PHACTR1: variants seen among roughly 807,000 people sequenced by gnomAD.
PHACTR1 encodes phosphatase and actin regulator 1, also known as RPEL repeat containing 1.
PHACTR1 carries 16 observed loss-of-function variants against 69.2 expected under a neutral mutation model. The ratio of observed to expected loss-of-function variants is 0.23; its 90% CI spans 0.16 to 0.35. The LOEUF (loss-of-function observed/expected upper bound fraction) is 0.35, where lower values mean the gene tolerates loss of function less well. Among genes scored for constraint, PHACTR1 ranks in the 10% least tolerant of loss-of-function variants. The pLI, the probability that PHACTR1 is intolerant of heterozygous loss-of-function variation, is 1.00. For missense variants in PHACTR1, 510 were observed against 734.7 expected (o/e 0.69, Z 3.54); for synonymous variants, 312 against 284.5 (o/e 1.10, Z -0.97).
intron 10 of PHACTR1, among the ~76,000 whole-genome samples, chr6:13,270,710 T>C (rs1018561885): frequency 3.3e-5 from 5 of 152,246 alleles, no homozygotes; most frequent in Admixed American, 6.5e-5. Context: ...CAGGGTGCTA[T>C]AGGCTTTATA....
intron 4 of PHACTR1, among the ~76,000 whole-genome samples, chr6:13,048,314 T>A (rs748335899): frequency 1.6e-4 from 25 of 152,200 alleles, no homozygotes; most frequent in Non-Finnish European, 3.2e-4. Flanking sequence ...TGGCTCAGCA[T>A]TTTCTCCAGA....
At chr6:13,209,369 C>T (rs942789660) in intron 8 of PHACTR1, among the ~76,000 whole-genome samples, 3 of 152,188 alleles carry the variant, frequency 2.0e-5, no homozygotes, top group Admixed American at 1.3e-4. Flanking sequence ...ATCCTCCTGG[C>T]AATTTCCAGT....
chr6:12,723,868 G>A (rs1462034423), intron 3 of PHACTR1, among the ~76,000 whole-genome samples: 1 of 152,112 alleles, frequency 6.6e-6, no homozygotes, highest in Non-Finnish European at 1.5e-5. Context: ...CTTTTAAACT[G>A]CCCCCACGAG....
chr6:13,085,922 T>C (rs73368185), intron 5 of PHACTR1, among the ~76,000 whole-genome samples: 10,809 of 151,636 alleles, frequency 0.071, 1,301 homozygotes, highest in African/African-American at 0.24. Context: ...AATGTATACC[T>C]TAGAAAAGAA....
chr6:13,163,039 G>A (rs189803395), intron 6 of PHACTR1, among the ~76,000 whole-genome samples: 66 of 152,280 alleles, frequency 4.3e-4, no homozygotes, highest in Admixed American at 9.1e-4. Context: ...GAGGTCAGGA[G>A]TTCGAGACCA....
intron 4 of PHACTR1, among the ~76,000 whole-genome samples, chr6:12,954,988 A>G (rs1791708372): frequency 6.6e-6 from 1 of 152,194 alleles, no homozygotes; most frequent in Non-Finnish European, 1.5e-5. Flanking sequence ...TGATGAGGGT[A>G]TAAAACACTT....
At chr6:12,814,134 G>A (rs552516719) in intron 4 of PHACTR1, among the ~76,000 whole-genome samples, 1 of 152,212 alleles carries the variant, frequency 6.6e-6, no homozygotes, top group African/African-American at 2.4e-5. Context: ...GTCCCCTAAG[G>A]AAGCAGCAAT....
At chr6:12,897,820 C>G (rs1031080295) in intron 4 of PHACTR1, among the ~76,000 whole-genome samples, 2 of 151,928 alleles carry the variant, frequency 1.3e-5, no homozygotes, top group Admixed American at 6.6e-5. Flanking sequence ...ACTCATCAAC[C>G]TATCACCTAC....
chr6:12,968,637 C>CT (rs1225536194), intron 4 of PHACTR1, among the ~76,000 whole-genome samples: 1 of 152,106 alleles, frequency 6.6e-6, no homozygotes, highest in Non-Finnish European at 1.5e-5. Flanking sequence ...GTGATGTGAG[C>CT]TTTTTTTGTC....
At chr6:13,165,291 G>T (rs1759624056) in intron 6 of PHACTR1, among the ~76,000 whole-genome samples, 1 of 152,166 alleles carries the variant, frequency 6.6e-6, no homozygotes, top group Non-Finnish European at 1.5e-5. Flanking sequence ...ATAATCTATA[G>T]TTCGACAGTT....
chr6:13,265,848 C>T (rs529842296), intron 10 of PHACTR1, among the ~76,000 whole-genome samples: 1 of 152,246 alleles, frequency 6.6e-6, no homozygotes, highest in East Asian at 1.9e-4. Flanking sequence ...TACTGGAATT[C>T]GGCAAAGTTC....
At chr6:13,172,421 GA>G (rs1760747884) in intron 6 of PHACTR1, among the ~76,000 whole-genome samples, 1 of 152,176 alleles carries the variant, frequency 6.6e-6, no homozygotes, top group African/African-American at 2.4e-5. Flanking sequence ...ATACCCGGGA[GA>G]CAGGCACCAC....
intron 4 of PHACTR1, among the ~76,000 whole-genome samples, chr6:12,901,410 G>GAGAAAGGAGGGAAGGAAAGGTTGGA (rs1157158111): frequency 7.2e-5 from 11 of 152,154 alleles, no homozygotes; most frequent in African/African-American, 2.7e-4. Flanking sequence ...AGAAAGCAGA[G>GAGAAAGGAGGGAAGGAAAGGTTGGA]AGAAAGGAGG....
At chr6:13,107,138 G>A (rs752413634) in intron 5 of PHACTR1, among the ~76,000 whole-genome samples, 11 of 151,736 alleles carry the variant, frequency 7.2e-5, no homozygotes, top group Non-Finnish European at 1.2e-4. Context: ...ACTCTTTCCA[G>A]ACAGACTCTT....
At chr6:12,983,711 G>A (rs555750795) in intron 4 of PHACTR1, among the ~76,000 whole-genome samples, 4 of 152,048 alleles carry the variant, frequency 2.6e-5, no homozygotes, top group Non-Finnish European at 5.9e-5. Context: ...GCCACCCCAC[G>A]ACAGACCCTG....
intron 4 of PHACTR1, among the ~76,000 whole-genome samples, chr6:12,846,064 A>G (rs560442682): frequency 7.0e-6 from 1 of 142,958 alleles, no homozygotes; most frequent in Admixed American, 7.1e-5. Context: ...CCATTTCTTT[A>G]AAAACAAACA....
intron 4 of PHACTR1, among the ~76,000 whole-genome samples, chr6:12,920,933 G>A (rs896719125): frequency 8.5e-5 from 13 of 152,232 alleles, no homozygotes; most frequent in African/African-American, 3.1e-4. Flanking sequence ...TTAGCTATAA[G>A]TCAGCCTTTT....
chr6:12,749,476 T>C lies in PHACTR1; in HGVS notation c.104-168T>C, dbSNP rs1050717906. 8.9e-6 allele frequency: 6 copies of C among 672,102 alleles called. No individual in the cohort carries two copies. In the African/African-American group the frequency reaches 9.0e-5, roughly 10 times the overall value. 41.6% of individuals were successfully genotyped at this position (672,102 alleles called of 1,614,324 possible). On this transcript the variant is annotated intron_variant, in intron 3 of 14. Transcript: ENST00000332995. ...TTCTCTCCTTTGCTCTCTTTCTTTC[T>C]CTCTCCCTTTTTTTTCCTTTTTCCC...
At chr6:13,020,458 C>A (rs926838245) in intron 4 of PHACTR1, among the ~76,000 whole-genome samples, 8 of 152,202 alleles carry the variant, frequency 5.3e-5, no homozygotes, top group Admixed American at 4.6e-4. Flanking sequence ...GTTGCTGTGA[C>A]AGGCAGACTC....
Sources: allele counts gnomAD v4.1 joint callset (sites outside exome capture counted in the v4.1 genomes callset), GRCh38; gene constraint gnomAD v4.1.1; transcripts MANE v1.5; gene names NCBI Gene and HGNC (gene_info 2026-07-23, HGNC 2026-07-21).